ZNF106: variants seen among roughly 807,000 people sequenced by gnomAD.
ZNF106 encodes SH3-domain binding protein 3.
Under a neutral mutation model 195.1 loss-of-function variants are expected in ZNF106, and 67 were observed. The ratio of observed to expected loss-of-function variants is 0.34; its 90% CI spans 0.28 to 0.42. The LOEUF is 0.42. Ranked by LOEUF, ZNF106 falls within the 10% of genes least tolerant of loss-of-function variation. The pLI, the probability that ZNF106 is intolerant of heterozygous loss-of-function variation, is 1.00. For synonymous variants in ZNF106, 784 were observed against 818.6 expected, an observed-to-expected ratio of 0.96 and a Z score of 0.72; for missense variants, 2,118 against 2,304.5, an observed-to-expected ratio of 0.92 and a Z score of 1.66.
rs2054374140 is a variant in ZNF106 at position 42,414,433 on chromosome 15, T to C, written c.*2871A>G. The stretch of plus-strand genomic sequence containing the variant: ...ATGTGTTCTTGAAACAAAGGCATAC[T>C]GCCACTGCTTCAAAAAAAGCCTTTG... On this transcript the variant is annotated 3_prime_UTR_variant, in exon 22 of 22. Coordinates refer to ENST00000564754, the MANE Select transcript of ZNF106 (RefSeq NM_001366845.3). 1 of 152,222 alleles carries C rather than the reference T, an allele frequency of 6.6e-6. No homozygotes were observed. The highest frequency in any genetic ancestry group is 1.5e-5 in the Non-Finnish European group (1 of 68,042). The allele number at this position is 152,222 out of a possible 1,614,324, so 9.4% of individuals were successfully genotyped here.
intron 1 of ZNF106, among the ~76,000 whole-genome samples, chr15:42,487,804 A>G (rs1469591534): frequency 6.6e-6 from 1 of 152,058 alleles, no homozygotes; most frequent in Non-Finnish European, 1.5e-5. Flanking sequence ...CCCCTCCCTC[A>G]ACCCCTAGCA....
At chr15:42,475,518 C>G (rs186105146) in intron 1 of ZNF106, among the ~76,000 whole-genome samples, 5 of 152,196 alleles carry the variant, frequency 3.3e-5, no homozygotes, top group African/African-American at 1.2e-4. Flanking sequence ...TTTAAGAAAG[C>G]TGAATGTCAA....
chr15:42,481,566 G>T (rs1037132065), intron 1 of ZNF106, among the ~76,000 whole-genome samples: 6 of 151,798 alleles, frequency 4.0e-5, no homozygotes, highest in Non-Finnish European at 7.4e-5. Flanking sequence ...CACCATGTTG[G>T]CCAGGCTGGT....
Position 42,424,722 on chromosome 15 carries a change from C to T in ZNF106, c.5190+112G>A, listed in dbSNP as rs1037545799. On this transcript the variant is annotated intron_variant, in intron 16 of 21. Coordinates refer to ENST00000564754, the MANE Select transcript of ZNF106 (RefSeq NM_001366845.3). ...CTCGAACTTCTGAGCTCAAGCGATCCCCCTGCCTCACCCTCCCAAAGTGCT... is the reference window on the plus strand; with the variant it reads ...CTCGAACTTCTGAGCTCAAGCGATCTCCCTGCCTCACCCTCCCAAAGTGCT... 4 of 1,091,744 alleles carry T rather than the reference C, an allele frequency of 3.7e-6. No individual in the cohort carries two copies. In the African/African-American group the frequency reaches 6.3e-5, roughly 17 times the overall value. The allele number at this position is 1,091,744 out of a possible 1,614,324, so 67.6% of individuals were successfully genotyped here.
rs142705431 is a variant in ZNF106, at chr15:42,449,920, G to T, written c.2352C>A (p.Ser784Arg). 2.7e-4 allele frequency: 433 copies of T among 1,614,008 alleles called. No individual in the cohort carries two copies. Among genetic ancestry groups the T allele is most frequent in the Non-Finnish European group, 3.6e-4 (419 of 1,180,036 alleles). The change falls in exon 5 of 22, where the codon AGC (serine) becomes AGA (arginine). Residue 784 changes from serine (S) to arginine (R), a missense_variant. Ser to Arg is a moderately radical substitution (Grantham distance 110). Coordinates refer to ENST00000564754, the MANE Select transcript of ZNF106 (RefSeq NM_001366845.3). ...LNSARRIRNI[S>R]GHRKSETEKE... ...TCTCTGTCTCACTCTTTCGGTGACCGCTAATATTGCGAATGCGGCGGGCAC... is the reference window on the plus strand; with the variant it reads ...TCTCTGTCTCACTCTTTCGGTGACCTCTAATATTGCGAATGCGGCGGGCAC...
rs751305990 is a variant in ZNF106 at position 42,421,025 on chromosome 15, T to C, written c.5517+36A>G. On this transcript the variant is annotated intron_variant, in intron 20 of 21. Transcript: ENST00000564754. ...AATTAGCCTAGGGTGAAGCAACCTA[T>C]AGAAGTCCAGTGACAGGAAGAGTTT... 5 of 1,599,174 alleles carry C rather than the reference T, an allele frequency of 3.1e-6. No homozygotes were observed. The African/African-American group carries it at 4.0e-5, about 13-fold the overall frequency.
intron 14 of ZNF106, among the ~76,000 whole-genome samples, chr15:42,433,999 T>A (rs1355974130): frequency 6.6e-6 from 1 of 152,060 alleles, no homozygotes; most frequent in Non-Finnish European, 1.5e-5. Flanking sequence ...TAGGTGTGCA[T>A]CACCACACCC....
intron 3 of ZNF106, among the ~76,000 whole-genome samples, chr15:42,463,047 TCTTAG>T (rs1180756608): frequency 6.6e-6 from 1 of 151,922 alleles, no homozygotes; most frequent in Non-Finnish European, 1.5e-5. Context: ...GATTCTCCTG[TCTTAG>T]CCTCTCAAAG....
chr15:42,484,780 C>T (rs1236032101), intron 1 of ZNF106, among the ~76,000 whole-genome samples: 5 of 151,840 alleles, frequency 3.3e-5, no homozygotes, highest in Admixed American at 3.3e-4. Context: ...TATAATTTCC[C>T]AAAATAGTGA....
chr15:42,418,697 C>T (rs1424266476), intron 20 of ZNF106, among the ~76,000 whole-genome samples: 1 of 151,666 alleles, frequency 6.6e-6, no homozygotes, highest in African/African-American at 2.4e-5. Context: ...CTATTTTTAA[C>T]AATTCTAAGA....
chr15:42,445,502 GTATGTATTTACCA>G (rs1486111939), intron 7 of ZNF106, among the ~76,000 whole-genome samples: 1 of 152,180 alleles, frequency 6.6e-6, no homozygotes, highest in African/African-American at 2.4e-5. Context: ...AATGTTCTGT[GTATGTATTTACCA>G]TCATTGTGTT....
intron 10 of ZNF106, among the ~76,000 whole-genome samples, chr15:42,440,508 GA>G (rs34427840): frequency 6.6e-6 from 1 of 151,848 alleles, no homozygotes. Context: ...ATATTAAATG[GA>G]AAAAGTCAGG....
chr15:42,417,456 A>G (rs1266923175), intron 21 of ZNF106, 96 bp from the exon 22 acceptor site: 31 of 1,457,782 alleles, frequency 2.1e-5, no homozygotes, highest in Non-Finnish European at 2.9e-5. Context: ...CATTCCACCT[A>G]GGATCCAGAC....
chr15:42,447,391 TGAAGA>T (rs1391001944), intron 6 of ZNF106, among the ~76,000 whole-genome samples: 1 of 151,956 alleles, frequency 6.6e-6, no homozygotes, highest in Non-Finnish European at 1.5e-5. Context: ...AAATAAATAA[TGAAGA>T]GAAGAACCCA....
intron 14 of ZNF106, among the ~76,000 whole-genome samples, chr15:42,435,182 T>C (rs9920128): frequency 6.6e-6 from 1 of 152,192 alleles, no homozygotes; most frequent in African/African-American, 2.4e-5. Flanking sequence ...AGTGAAAAAA[T>C]ACTGGTGGAG....
chr15:42,424,115 A>G, intron 16 of ZNF106, 55 bp from the exon 17 acceptor site: 2 of 1,473,194 alleles, frequency 1.4e-6, no homozygotes, highest in Non-Finnish European at 9.3e-7. Flanking sequence ...AATTTTCTCT[A>G]TAACTTGTAA....
In ZNF106 at chr15:42,413,555, A is replaced by T. The variant is rs1359878379; in HGVS notation, c.*3749T>A. ...CAATGAATTCTCTTCCATAAAATAA[A>T]CCATTCCACTAAGTATATACCTACT... On this transcript the variant is annotated 3_prime_UTR_variant, in exon 22 of 22. Transcript: ENST00000564754. The T allele has an allele frequency of 2.0e-5, 3 of 152,628 alleles. No homozygotes were observed. The highest frequency in any genetic ancestry group is 7.2e-5 in the African/African-American group (3 of 41,432). 9.5% of individuals were successfully genotyped at this position (152,628 alleles called of 1,614,324 possible).
Position 42,454,251 on chromosome 15 carries a change from A to G in ZNF106, c.318-2297T>C, listed in dbSNP as rs144326441. ...AACATCCACTCATATTATATAAATT[A>G]CAATCATTTCTAAACAGGAGACTCT... is the stretch of plus-strand genomic sequence containing the variant. On this transcript the variant is annotated intron_variant, in intron 4 of 21. Coordinates refer to ENST00000564754, the MANE Select transcript of ZNF106 (RefSeq NM_001366845.3). Among the ~76,000 whole-genome samples, 177 of 152,302 alleles carry G rather than the reference A, an allele frequency of 1.2e-3. 3 individuals carry two copies. The highest frequency in any genetic ancestry group is 3.5e-3 in the African/African-American group (145 of 41,598).
At chr15:42,458,577 G>A (rs1454487211) in intron 3 of ZNF106, among the ~76,000 whole-genome samples, 1 of 151,900 alleles carries the variant, frequency 6.6e-6, no homozygotes, top group Non-Finnish European at 1.5e-5. Context: ...GTGTGGTGGT[G>A]TGCACCTGTA....
Sources: gnomAD v4.1 joint callset for allele counts (sites outside exome capture counted in the v4.1 genomes callset) on GRCh38, gnomAD v4.1.1 for gene constraint, MANE v1.5 for transcripts, NCBI Gene and HGNC (gene_info 2026-07-23, HGNC 2026-07-21) for gene names.